IGSF21: variants seen among roughly 807,000 people sequenced by gnomAD.
IGSF21 encodes the protein immunoglobin superfamily member 21, also known as immunoglobulin superfamily member 21.
IGSF21 carries 28 observed loss-of-function variants against 46.8 expected under a neutral mutation model. The ratio of observed to expected loss-of-function variants is 0.60; its 90% CI spans 0.44 to 0.82. IGSF21 has a LOEUF of 0.82. Ranked by LOEUF, IGSF21 falls within the 40% of genes least tolerant of loss-of-function variation. The pLI is 0.00. For synonymous variants in IGSF21, 284 were observed against 273.6 expected, an observed-to-expected ratio of 1.04 and a Z score of -0.38; for missense variants, 624 against 665.5, an observed-to-expected ratio of 0.94 and a Z score of 0.69.
At chr1:18,366,612 G>A (rs780629044) in intron 6 of IGSF21, among the ~76,000 whole-genome samples, 26 of 152,140 alleles carry the variant, frequency 1.7e-4, no homozygotes, top group African/African-American at 2.4e-4. Context: ...GAAAGTCATA[G>A]GAATTTTTGC....
chr1:18,222,166 C>T (rs1223073163), intron 1 of IGSF21, among the ~76,000 whole-genome samples: 2 of 152,162 alleles, frequency 1.3e-5, no homozygotes, highest in South Asian at 4.1e-4. Context: ...GGATGAACCC[C>T]GAAGTGCTTC....
chr1:18,356,332 A>G (rs534279892), intron 4 of IGSF21, among the ~76,000 whole-genome samples: 21 of 152,264 alleles, frequency 1.4e-4, no homozygotes, highest in Admixed American at 2.6e-4. Flanking sequence ...ATTTCAGAAA[A>G]CACAGCCTCA....
intron 2 of IGSF21, among the ~76,000 whole-genome samples, chr1:18,262,471 C>T (rs1465040987): frequency 6.6e-6 from 1 of 152,214 alleles, no homozygotes; most frequent in African/African-American, 2.4e-5. Context: ...CCCCAAGCCT[C>T]AGTTTCCTCA....
At chr1:18,155,858 C>T (rs1054525696) in intron 1 of IGSF21, among the ~76,000 whole-genome samples, 3 of 152,200 alleles carry the variant, frequency 2.0e-5, no homozygotes, top group Non-Finnish European at 4.4e-5. Flanking sequence ...CCCATCCCTG[C>T]GGGATCAAGA....
intron 1 of IGSF21, chr1:18,114,825 C>T (rs942652937): frequency 6.6e-6 from 1 of 152,212 alleles, no homozygotes; most frequent in African/African-American, 2.4e-5. Context: ...CAGCCTTCCT[C>T]CCATCCTCAA....
chr1:18,132,784 C>T (rs2086333390), intron 1 of IGSF21, among the ~76,000 whole-genome samples: 1 of 152,072 alleles, frequency 6.6e-6, no homozygotes. Context: ...GCAAACTTCC[C>T]CATGATGCCC....
At chr1:18,227,451 C>A (rs2084579592) in intron 1 of IGSF21, among the ~76,000 whole-genome samples, 1 of 151,912 alleles carries the variant, frequency 6.6e-6, no homozygotes, top group African/African-American at 2.4e-5. Flanking sequence ...TACATTTCGG[C>A]ATTCATTTCC....
intron 1 of IGSF21, among the ~76,000 whole-genome samples, chr1:18,206,061 G>A (rs915814638): frequency 1.3e-5 from 2 of 152,172 alleles, no homozygotes; most frequent in African/African-American, 4.8e-5. Flanking sequence ...TAGTCAAGGG[G>A]TAGATAAATT....
intron 6 of IGSF21, among the ~76,000 whole-genome samples, chr1:18,372,045 T>C (rs989046888): frequency 3.3e-5 from 5 of 152,236 alleles, no homozygotes; most frequent in African/African-American, 1.2e-4. Context: ...TTAATAAATG[T>C]GAATGCTGGT....
chr1:18,118,103 C>T (rs9660126), intron 1 of IGSF21, among the ~76,000 whole-genome samples: 42,963 of 152,078 alleles, frequency 0.28, 7,281 homozygotes, highest in East Asian at 0.64. Context: ...GCTTGGGAGT[C>T]GCCACGGAGA....
chr1:18,345,663 T>C (rs657661), intron 4 of IGSF21, among the ~76,000 whole-genome samples: 131,703 of 152,308 alleles, frequency 0.86, 57,038 homozygotes, highest in Non-Finnish European at 0.9. Flanking sequence ...GGATTACAGG[T>C]GTGAGCCACC....
At position 18,335,369 on chromosome 1, in the gene IGSF21, C is replaced by T. The variant is rs974045831; in HGVS notation, c.424+359C>T. ...AAAGATTCTCCTGCACCTCCTGAGGCCTTAATGGAGAGGGCATAGGATCTG... is the reference window on the plus strand; with the variant it reads ...AAAGATTCTCCTGCACCTCCTGAGGTCTTAATGGAGAGGGCATAGGATCTG... On this transcript the variant is annotated intron_variant, in intron 4 of 9. Coordinates refer to ENST00000251296, the MANE Select transcript of IGSF21 (RefSeq NM_032880.5). This position sits in a 1 kb window ranked among gnomAD's most constrained non-coding sequence, Gnocchi z 4.8. 6.6e-6 allele frequency among the ~76,000 whole-genome samples: 1 copy of T among 152,216 alleles called. No homozygotes were observed. The highest frequency in any genetic ancestry group is 2.4e-5 in the African/African-American group (1 of 41,464).
At chr1:18,293,494 C>T (rs750994282) in intron 3 of IGSF21, among the ~76,000 whole-genome samples, 4 of 152,116 alleles carry the variant, frequency 2.6e-5, no homozygotes, top group Admixed American at 1.3e-4. Flanking sequence ...AGAATGTGGA[C>T]GTGAAGGTGT....
chr1:18,202,257 C>G (rs1304673806), intron 1 of IGSF21, among the ~76,000 whole-genome samples: 1 of 152,236 alleles, frequency 6.6e-6, no homozygotes, highest in Non-Finnish European at 1.5e-5. Flanking sequence ...GCAATGCAAT[C>G]TCACATTCTC....
Position 18,341,045 on chromosome 1 carries a change from C to CTTCTTCTTCTTCTTCTTCTTCTTCT in IGSF21, c.424+6036_424+6037insTCTTCTTCTTCTTCTTCTTCTTCTT, listed in dbSNP as rs55780171. On this transcript the variant is annotated intron_variant, in intron 4 of 9. Transcript: ENST00000251296. ...CTTCTTCTTCTTCTTCTTCTTCTTCCTCTTCCTCTTCCTCTTCTTCTTCTT... is the reference window on the plus strand; with the variant it reads ...CTTCTTCTTCTTCTTCTTCTTCTTCCTTCTTCTTCTTCTTCTTCTTCTTCTTCTTCCTCTTCCTCTTCTTCTTCTT... Among the ~76,000 whole-genome samples, 364 of 78,286 alleles carry CTTCTTCTTCTTCTTCTTCTTCTTCT rather than the reference C, an allele frequency of 4.6e-3. 2 individuals are homozygous for CTTCTTCTTCTTCTTCTTCTTCTTCT. The highest frequency in any genetic ancestry group is 0.013 in the East Asian group (33 of 2,508). The allele number at this position is 78,286 out of a possible 152,430, so 51.4% of individuals were successfully genotyped here. A position where few individuals can be genotyped will look rare whatever the true frequency, so the allele number is the denominator to read the frequency against.
intron 2 of IGSF21, among the ~76,000 whole-genome samples, chr1:18,279,673 C>G (rs2085139463): frequency 6.6e-6 from 1 of 152,250 alleles, no homozygotes; most frequent in Admixed American, 6.5e-5. Flanking sequence ...TCCTCTCCAA[C>G]TGGCTGCTGG....
chr1:18,340,985 CT>C lies in IGSF21; in HGVS notation c.424+5977del, dbSNP rs1189876206. 1.6e-3 allele frequency among the ~76,000 whole-genome samples: 209 copies of C among 128,904 alleles called. 1 individual carries two copies. The highest frequency in any genetic ancestry group is 5.9e-3 in the African/African-American group (185 of 31,172). 84.6% of individuals were successfully genotyped at this position (128,904 alleles called of 152,430 possible). ...CCTCCTTCTTCTCCTTCTTCTTCTC[CT>C]TCTTCTTCTCCTCCTCCTCCTTCTT... On this transcript the variant is annotated intron_variant, in intron 4 of 9. Transcript: ENST00000251296.
chr1:18,242,498 AAATGAGTC>A (rs1177577819), intron 2 of IGSF21, among the ~76,000 whole-genome samples: 1 of 152,210 alleles, frequency 6.6e-6, no homozygotes, highest in Non-Finnish European at 1.5e-5. Flanking sequence ...AGAGTAACTC[AAATGAGTC>A]TAAACAAGTA....
chr1:18,215,296 T>C (rs533377039), intron 1 of IGSF21, among the ~76,000 whole-genome samples: 4 of 152,350 alleles, frequency 2.6e-5, no homozygotes, highest in Admixed American at 6.5e-5. Context: ...TCAATGCCAG[T>C]AGTGTGGCCA....
Sources: allele counts gnomAD v4.1 joint callset (sites outside exome capture counted in the v4.1 genomes callset), GRCh38; gene constraint gnomAD v4.1.1; non-coding constraint Gnocchi (gnomAD v3.1); transcripts MANE v1.5; gene names NCBI Gene and HGNC (gene_info 2026-07-23, HGNC 2026-07-21).